The following SPTBN1 variants were observed in gnomAD, a reference collection of about 807,000 sequenced individuals.
The protein encoded by SPTBN1 is spectrin beta chain, non-erythrocytic 1.
Under a neutral mutation model 266.4 loss-of-function variants are expected in SPTBN1, and 32 were observed. The ratio of observed to expected loss-of-function variants is 0.12; its 90% CI spans 0.09 to 0.16. The LOEUF is 0.16. Ranked by LOEUF, SPTBN1 falls within the 10% of genes least tolerant of loss-of-function variation. The pLI, the probability that SPTBN1 is intolerant of heterozygous loss-of-function variation, is 1.00. For missense variants in SPTBN1, 2,296 were observed against 3,067.1 expected, an observed-to-expected ratio of 0.75 and a Z score of 5.94; for synonymous variants, 1,336 against 1,162.2, an observed-to-expected ratio of 1.15 and a Z score of -3.04.
chr2:54,487,217 A>G lies in SPTBN1; in HGVS notation c.-48+30699A>G, dbSNP rs181327588. ...CTGCTTTTTAACTTTTTCAAAAATC[A>G]GCACAATTTTTCCCTTTGAAATTAA... On this transcript the variant is annotated intron_variant, in intron 1 of 35. Transcript: ENST00000356805. Among the ~76,000 whole-genome samples, 50 of 136,266 alleles carry G rather than the reference A, an allele frequency of 3.7e-4. 1 individual carries two copies. The East Asian group carries it at 9.9e-3, about 27-fold the overall frequency. 89.4% of individuals were successfully genotyped at this position (136,266 alleles called of 152,430 possible).
At position 54,664,313 on chromosome 2, in the gene SPTBN1, T is replaced by A. The variant is rs1437913076; in HGVS notation, c.6421-140T>A. 8.7e-6 allele frequency: 7 copies of A among 805,288 alleles called. No homozygotes were observed. Among genetic ancestry groups the A allele is most frequent in the Non-Finnish European group, 1.4e-5 (7 of 500,392 alleles). The allele number at this position is 805,288 out of a possible 1,614,324, so 49.9% of individuals were successfully genotyped here. ...TGTCCTTGATGTCCAGCTGGCTTTGTGGGTGTGCAATGGTTTTACTGTACT... is the reference window on the plus strand; with the variant it reads ...TGTCCTTGATGTCCAGCTGGCTTTGAGGGTGTGCAATGGTTTTACTGTACT... On this transcript the variant is annotated intron_variant, in intron 32 of 35. Coordinates refer to ENST00000356805, the MANE Select transcript of SPTBN1 (RefSeq NM_003128.3). This position sits in a 1 kb window ranked among gnomAD's most constrained non-coding sequence, Gnocchi z 5.6.
chr2:54,513,715 C>T (rs1321570912), intron 1 of SPTBN1, among the ~76,000 whole-genome samples: 1 of 152,088 alleles, frequency 6.6e-6, no homozygotes, highest in Non-Finnish European at 1.5e-5. Context: ...ATTTAGTCAA[C>T]CAGAAGACAT....
chr2:54,486,401 C>A (rs56801102), intron 1 of SPTBN1, among the ~76,000 whole-genome samples: 1 of 152,114 alleles, frequency 6.6e-6, no homozygotes, highest in East Asian at 1.9e-4. Flanking sequence ...CCTTGGGATC[C>A]TGTTGATCTG....
chr2:54,600,600 C>G (rs549510354), intron 3 of SPTBN1, among the ~76,000 whole-genome samples: 1 of 152,152 alleles, frequency 6.6e-6, no homozygotes, highest in Non-Finnish European at 1.5e-5. Context: ...AGAGCCTAGA[C>G]TAGAATTATT....
rs766132736 is a variant in SPTBN1, at chr2:54,618,210, T to C, written c.763+17T>C. On this transcript the variant is annotated intron_variant, in intron 7 of 35. Transcript: ENST00000356805. ...ACCCCGAAGGTAGGGACTCAAGGGATTACAGGTGGGATTTTTAGCATCTGT... is the reference window on the plus strand; with the variant it reads ...ACCCCGAAGGTAGGGACTCAAGGGACTACAGGTGGGATTTTTAGCATCTGT... 1.6e-5 allele frequency: 26 copies of C among 1,604,958 alleles called. No individual in the cohort carries two copies. The Admixed American group carries it at 1.8e-4, about 11-fold the overall frequency.
intron 3 of SPTBN1, among the ~76,000 whole-genome samples, chr2:54,607,239 A>T (rs1037044345): frequency 5.9e-5 from 9 of 152,258 alleles, no homozygotes; most frequent in African/African-American, 2.2e-4. Flanking sequence ...TACAGAAATA[A>T]ACAGTGATAC....
intron 2 of SPTBN1, among the ~76,000 whole-genome samples, chr2:54,566,300 G>A (rs1280170851): frequency 6.7e-6 from 1 of 148,494 alleles, no homozygotes; most frequent in Non-Finnish European, 1.5e-5. Context: ...CAATTCTCTT[G>A]CCTCAGCCTC....
intron 34 of SPTBN1, among the ~76,000 whole-genome samples, chr2:54,666,970 T>C (rs1681411955): frequency 6.6e-6 from 1 of 152,184 alleles, no homozygotes; most frequent in African/African-American, 2.4e-5. Context: ...CTTTCCCCTT[T>C]GTACTCCCTT....
chr2:54,596,134 C>T (rs1159730357), intron 2 of SPTBN1, among the ~76,000 whole-genome samples: 1 of 152,174 alleles, frequency 6.6e-6, no homozygotes, highest in African/African-American at 2.4e-5. Flanking sequence ...CCAGTCACAG[C>T]AGCTTGAGCT....
intron 30 of SPTBN1, among the ~76,000 whole-genome samples, chr2:54,658,645 A>G (rs1680833040): frequency 6.6e-6 from 1 of 152,180 alleles, no homozygotes; most frequent in Non-Finnish European, 1.5e-5. Flanking sequence ...AAAACAGAGT[A>G]CTTCTGGTAC....
intron 4 of SPTBN1, among the ~76,000 whole-genome samples, chr2:54,613,907 C>G (rs1330124598): frequency 2.0e-5 from 3 of 152,192 alleles, no homozygotes; most frequent in Admixed American, 1.3e-4. Flanking sequence ...CTGCAATAAT[C>G]AGAGCGTGGA....
intron 2 of SPTBN1, among the ~76,000 whole-genome samples, chr2:54,592,745 C>T (rs1675765571): frequency 6.6e-6 from 1 of 152,144 alleles, no homozygotes; most frequent in South Asian, 2.1e-4. Context: ...TTATCAGAAA[C>T]CAAACAACAA....
intron 1 of SPTBN1, among the ~76,000 whole-genome samples, chr2:54,489,002 G>A (rs1057010612): frequency 6.6e-6 from 1 of 151,942 alleles, no homozygotes; most frequent in Admixed American, 6.6e-5. Context: ...ATTAAGAAAT[G>A]AATGACAAAA....
At chr2:54,467,942 C>G (rs1295287653) in intron 1 of SPTBN1, among the ~76,000 whole-genome samples, 3 of 151,920 alleles carry the variant, frequency 2.0e-5, no homozygotes, top group East Asian at 1.9e-4. Context: ...CATATGGAAA[C>G]TAAAGATGAA....
intron 17 of SPTBN1, among the ~76,000 whole-genome samples, chr2:54,635,217 G>C (rs1282712793): frequency 6.6e-6 from 1 of 152,198 alleles, no homozygotes; most frequent in African/African-American, 2.4e-5. Context: ...GTCCTTCTCA[G>C]GCCCTTCCCT....
chr2:54,559,494 G>A (rs2104463450), intron 2 of SPTBN1, among the ~76,000 whole-genome samples: 1 of 152,216 alleles, frequency 6.6e-6, no homozygotes, highest in East Asian at 1.9e-4. Flanking sequence ...GGTTGGATTA[G>A]TTGGATCAAT....
intron 32 of SPTBN1, chr2:54,663,514 A>G (rs1301178333): frequency 6.6e-6 from 1 of 152,244 alleles, no homozygotes; most frequent in African/African-American, 2.4e-5. Flanking sequence ...CCGAAAAGCC[A>G]TGAGGGTTAC....
Position 54,670,867 on chromosome 2 carries a change from C to T in SPTBN1, c.*2298C>T, listed in dbSNP as rs1681660843. On this transcript the variant is annotated 3_prime_UTR_variant, in exon 36 of 36. Transcript: ENST00000356805. ...GGCAGCGAGAGGAGCGTCAGAAGACCCCAGTCAAGACGTGTTCGCCATCAG... is the reference window on the plus strand; with the variant it reads ...GGCAGCGAGAGGAGCGTCAGAAGACTCCAGTCAAGACGTGTTCGCCATCAG... 3 of 398,392 alleles carry T rather than the reference C, an allele frequency of 7.5e-6. No individual in the cohort carries two copies. The highest frequency in any genetic ancestry group is 1.3e-5 in the Non-Finnish European group (3 of 226,058). 24.7% of individuals were successfully genotyped at this position (398,392 alleles called of 1,614,324 possible).
chr2:54,618,857 C>T (rs781268331), intron 7 of SPTBN1, among the ~76,000 whole-genome samples: 3 of 152,154 alleles, frequency 2.0e-5, no homozygotes, highest in African/African-American at 4.8e-5. Flanking sequence ...ATTATCTGCA[C>T]GGAACTAATC....
Sources: allele counts gnomAD v4.1 joint callset (sites outside exome capture counted in the v4.1 genomes callset), GRCh38; gene constraint gnomAD v4.1.1; non-coding constraint Gnocchi (gnomAD v3.1); transcripts MANE v1.5; gene names NCBI Gene and HGNC (gene_info 2026-07-23, HGNC 2026-07-21).